Variants in FARSB observed in about 807,000 individuals in gnomAD.
FARSB encodes the protein phenylalanyl-tRNA synthetase subunit beta.
Under a neutral mutation model 69.6 loss-of-function variants are expected in FARSB, and 40 were observed. The ratio of observed to expected loss-of-function variants is 0.57; its 90% confidence interval spans 0.45 to 0.75. The LOEUF (loss-of-function observed/expected upper bound fraction) is 0.75. FARSB is among the 30% of genes least tolerant of loss of function. The pLI is 0.00. For synonymous variants in FARSB, 235 were observed against 247.2 expected (o/e 0.95, Z 0.46); for missense variants, 632 against 722.9 (o/e 0.87, Z 1.44).
chr2:222,642,798 G>GAAAGA, intron 3 of FARSB, 53 bp downstream of exon 3: 2 of 1,366,000 alleles, frequency 1.5e-6, no homozygotes, highest in Non-Finnish European at 2.0e-6. Flanking sequence ...TAATGACAAG[G>GAAAGA]AAAGAAAAGA....
At chr2:222,640,797 C>A in intron 4 of FARSB, 65 bp downstream of exon 4, 1 of 784,108 alleles carries the variant, frequency 1.3e-6, no homozygotes, top group East Asian at 2.8e-5. Flanking sequence ...TCTTTCCTCC[C>A]CACTTTATAC....
intron 14 of FARSB, among the ~76,000 whole-genome samples, chr2:222,618,916 G>A (rs927544377): frequency 2.6e-5 from 4 of 151,990 alleles, no homozygotes; most frequent in African/African-American, 7.3e-5. Flanking sequence ...GTCACTTTGC[G>A]GATCACTTGA....
chr2:222,599,862 T>A, intron 16 of FARSB, 66 bp downstream of exon 16: 1 of 1,301,482 alleles, frequency 7.7e-7, no homozygotes, highest in South Asian at 1.7e-5. Context: ...ACCAACTTCA[T>A]CAAAAACAAG....
rs182750025 is a variant in FARSB at position 222,613,283 on chromosome 2, C to T, written c.1462+528G>A. Among the ~76,000 whole-genome samples, 19 of 152,314 alleles carry T rather than the reference C, an allele frequency of 1.2e-4. No individual in the cohort carries two copies. The East Asian group carries it at 2.1e-3, about 17-fold the overall frequency. Reference sequence around the variant, plus strand: ...AATACATACTAAAGTAGTTGGGCGCCAGTGGCTCATGCCTGTAATCCCAGC... The same window carrying T: ...AATACATACTAAAGTAGTTGGGCGCTAGTGGCTCATGCCTGTAATCCCAGC... On this transcript the variant is annotated intron_variant, in intron 15 of 16. Transcript: ENST00000281828.
intron 12 of FARSB, among the ~76,000 whole-genome samples, 174 bp from the exon 13 acceptor site, chr2:222,623,904 C>A (rs777283118): frequency 4.6e-5 from 7 of 152,042 alleles, no homozygotes; most frequent in Non-Finnish European, 8.8e-5. Flanking sequence ...ATCAATATTA[C>A]CTCCTCCCTC....
Position 222,571,783 on chromosome 2 carries a change from T to G in FARSB, c.*88A>C. On this transcript the variant is annotated 3_prime_UTR_variant, in exon 17 of 17. Transcript: ENST00000281828. Reference sequence around the variant, plus strand: ...ACTTTATTAAACATCAAAGCCCAAATAGATGTTCCCTGTGGAGGAGGACTT... The same window carrying G: ...ACTTTATTAAACATCAAAGCCCAAAGAGATGTTCCCTGTGGAGGAGGACTT... The G allele has an allele frequency of 2.6e-6, 3 of 1,134,570 alleles. No homozygotes were observed. Among genetic ancestry groups the G allele is most frequent in the Non-Finnish European group, 3.8e-6 (3 of 797,008 alleles). The allele number at this position is 1,134,570 out of a possible 1,614,324, so 70.3% of individuals were successfully genotyped here.
intron 15 of FARSB, among the ~76,000 whole-genome samples, chr2:222,605,717 A>C (rs1193340745): frequency 1.3e-5 from 2 of 151,846 alleles, no homozygotes; most frequent in Non-Finnish European, 2.9e-5. Flanking sequence ...CAGGAGTTTC[A>C]GACCAGCCTG....
chr2:222,624,512 T>A, intron 11 of FARSB, 33 bp from the exon 12 acceptor site: 6 of 1,408,926 alleles, frequency 4.3e-6, no homozygotes, highest in Non-Finnish European at 6.0e-6. Context: ...ATAAACTTCA[T>A]TGGATTATTT....
chr2:222,616,908 T>C lies in FARSB; in HGVS notation c.1344+2737A>G, dbSNP rs900748534. ...GGACTCACCTGTTGGTAAAGCAAGG[T>C]AAAATATAGAATCTGTTAGGTCAAA... On this transcript the variant is annotated intron_variant, in intron 14 of 16. Coordinates refer to ENST00000281828, the MANE Select transcript of FARSB (RefSeq NM_005687.5). Among the ~76,000 whole-genome samples the C allele has an allele frequency of 3.9e-5, 6 of 152,096 alleles. 1 individual carries two copies. The highest frequency in any genetic ancestry group is 1.4e-4 in the African/African-American group (6 of 41,432).
chr2:222,588,828 G>A (rs1690189913), intron 16 of FARSB, among the ~76,000 whole-genome samples: 1 of 152,058 alleles, frequency 6.6e-6, no homozygotes, highest in Non-Finnish European at 1.5e-5. Flanking sequence ...TCTTCAAGGA[G>A]AACTACAAAC....
chr2:222,599,341 ATAGAAT>A (rs1279499834), intron 16 of FARSB, among the ~76,000 whole-genome samples: 1 of 152,226 alleles, frequency 6.6e-6, no homozygotes, highest in Non-Finnish European at 1.5e-5. Context: ...GAAACTATTA[ATAGAAT>A]ATTAGGAGCA....
chr2:222,631,625 G>T lies in FARSB; in HGVS notation c.765C>A (p.Cys255Ter). The T allele has an allele frequency of 6.4e-7, 1 of 1,564,450 alleles. No individual in the cohort carries two copies. The highest frequency in any genetic ancestry group is 8.8e-7 in the Non-Finnish European group (1 of 1,135,432). ...TTACCTTAGTAAAGTCAGTTCCCGT[G>T]CATTCAATAAAAATATTTCTAGTAT... is the stretch of plus-strand genomic sequence containing the variant. Reference protein sequence around the residue: ...TVNTRNIFIECTGTDFTKAKI... With the variant: ...TVNTRNIFIE Residue 255 changes from cysteine (C) to a stop codon, truncating the protein, a stop_gained, in exon 8 of 17, where the codon TGC (cysteine) becomes TGA (stop). Transcript: ENST00000281828. LOFTEE classifies it high-confidence loss of function.
intron 16 of FARSB, among the ~76,000 whole-genome samples, chr2:222,575,855 C>A (rs1689826754): frequency 6.6e-6 from 1 of 152,132 alleles, no homozygotes; most frequent in Non-Finnish European, 1.5e-5. Context: ...AATTCCTGGG[C>A]CTGTAATCCA....
intron 14 of FARSB, among the ~76,000 whole-genome samples, chr2:222,615,288 T>G (rs1382788213): frequency 1.3e-5 from 2 of 152,234 alleles, no homozygotes; most frequent in African/African-American, 4.8e-5. Flanking sequence ...CTGCATAACA[T>G]TCTTAAGCTG....
intron 5 of FARSB, among the ~76,000 whole-genome samples, chr2:222,638,701 C>A (rs1022430471): frequency 1.3e-5 from 2 of 152,196 alleles, no homozygotes; most frequent in Non-Finnish European, 1.5e-5. Context: ...ATAAACCCCT[C>A]CTAGGCTCTA....
Position 222,628,738 on chromosome 2 carries a change from G to A in FARSB, c.900+99C>T, listed in dbSNP as rs186469885. The A allele has an allele frequency of 1.6e-5, 12 of 771,080 alleles. No homozygotes were observed. The East Asian group carries it at 2.5e-4, about 16-fold the overall frequency. 47.8% of individuals were successfully genotyped at this position (771,080 alleles called of 1,614,324 possible). ...AGTGTAGCGCCTGGCACACGGGTGG[G>A]TAGGTAGGGGATGGATAGACAGACA... On this transcript the variant is annotated intron_variant, in intron 10 of 16. Coordinates refer to ENST00000281828, the MANE Select transcript of FARSB (RefSeq NM_005687.5).
At chr2:222,598,086 C>T (rs1690467939) in intron 16 of FARSB, among the ~76,000 whole-genome samples, 1 of 152,152 alleles carries the variant, frequency 6.6e-6, no homozygotes. Context: ...CCTATTCTTC[C>T]AAAGGCCCAT....
At chr2:222,633,383 T>C (rs2106229247) in intron 6 of FARSB, 76 bp from the exon 7 acceptor site, 2 of 720,364 alleles carry the variant, frequency 2.8e-6, no homozygotes, top group East Asian at 6.0e-5. Flanking sequence ...ACTGACCTAA[T>C]ATTAAAAAAG....
In FARSB at chr2:222,605,079, C is replaced by T. The variant is rs140207616; in HGVS notation, c.1463-4996G>A. On this transcript the variant is annotated intron_variant, in intron 15 of 16. Coordinates refer to ENST00000281828, the MANE Select transcript of FARSB (RefSeq NM_005687.5). ...AAAAGCTATAAGTCGACATTAAAAT[C>T]AGACAGGCACAAAACCTCACTAAAC... 2.7e-3 allele frequency among the ~76,000 whole-genome samples: 414 copies of T among 152,032 alleles called. 1 individual carries two copies. Among genetic ancestry groups the T allele is most frequent in the African/African-American group, 9.5e-3 (393 of 41,468 alleles).
Sources: gnomAD v4.1 joint callset for allele counts (sites outside exome capture counted in the v4.1 genomes callset) on GRCh38, gnomAD v4.1.1 for gene constraint, MANE v1.5 for transcripts, NCBI Gene and HGNC (gene_info 2026-07-23, HGNC 2026-07-21) for gene names.